The following MCM3AP variants were observed in gnomAD, a reference collection of about 807,000 sequenced individuals.
MCM3AP encodes the protein germinal-center associated nuclear protein.
Under a neutral mutation model 184.1 loss-of-function variants are expected in MCM3AP, and 126 were observed. The ratio of observed to expected loss-of-function variants is 0.68; its 90% CI spans 0.59 to 0.79. The LOEUF is 0.79. Among genes scored for constraint, MCM3AP ranks in the 30% least tolerant of loss-of-function variants. The pLI is 0.00. For missense variants in MCM3AP, 2,496 were observed against 2,479.2 expected, an observed-to-expected ratio of 1.01 and a Z score of -0.14; for synonymous variants, 1,002 against 979.3, an observed-to-expected ratio of 1.02 and a Z score of -0.43.
intron 23 of MCM3AP, chr21:46,244,573 C>T: frequency 3.5e-6 from 2 of 570,488 alleles, no homozygotes; most frequent in Non-Finnish European, 6.3e-6. Flanking sequence ...CCATGGACTG[C>T]CTTGCTGGTC....
rs537130422 is a variant in MCM3AP at position 46,280,725 on chromosome 21, G to A, written c.1444-150C>T. ...ACGACAGTGATTTCTCCACCCACAC[G>A]TCTGCTAACTGCATGGTCTCTGGCT... is the stretch of plus-strand genomic sequence containing the variant. On this transcript the variant is annotated intron_variant, in intron 2 of 27. Transcript: ENST00000291688. The A allele has an allele frequency of 4.1e-5, 25 of 610,010 alleles. 1 individual carries two copies. The highest frequency in any genetic ancestry group is 2.9e-4 in the South Asian group (13 of 44,282). 37.8% of individuals were successfully genotyped at this position (610,010 alleles called of 1,614,324 possible). A position where few individuals can be genotyped will look rare whatever the true frequency, so the allele number is the denominator to read the frequency against.
At position 46,277,585 on chromosome 21, in the gene MCM3AP, A is replaced by G. The variant is rs778215702; in HGVS notation, c.1800T>C (p.Ala600=). ...LSLSTLIGTV[A]ETSKEKYRLL... ...GGCGGTACTTCTCCTTGGATGTCTC[A>G]GCCACAGTGCCTATCAGGGTACTGA... Residue 600 remains alanine, a synonymous_variant, in exon 5 of 28, where the codon GCT becomes GCC. Transcript: ENST00000291688. The G allele has an allele frequency of 1.2e-6, 2 of 1,609,168 alleles. No individual in the cohort carries two copies. Among genetic ancestry groups the G allele is most frequent in the Non-Finnish European group, 8.5e-7 (1 of 1,177,884 alleles).
intron 1 of MCM3AP, 34 bp downstream of exon 1, chr21:46,284,034 G>C: frequency 6.3e-7 from 1 of 1,587,420 alleles, no homozygotes; most frequent in South Asian, 1.1e-5. Context: ...CTGCCTGCAG[G>C]ATTTACTCTA....
chr21:46,253,296 A>G (rs769303656), intron 19 of MCM3AP: 7 of 152,228 alleles, frequency 4.6e-5, no homozygotes, highest in Admixed American at 6.5e-5. Flanking sequence ...ACTATAAACT[A>G]TCTTACTGAA....
chr21:46,272,955 T>C, intron 7 of MCM3AP, 126 bp from the exon 8 acceptor site: 1 of 927,118 alleles, frequency 1.1e-6, no homozygotes, highest in Non-Finnish European at 1.6e-6. Context: ...ATGCACATTT[T>C]AATAGGACTT....
At chr21:46,279,842 A>T in intron 4 of MCM3AP, 151 bp downstream of exon 4, 1 of 661,578 alleles carries the variant, frequency 1.5e-6, no homozygotes, top group Non-Finnish European at 2.4e-6. Context: ...GGAGGGGCAG[A>T]GCCCCTGCCC....
rs560488506 is a variant in MCM3AP at position 46,249,794 on chromosome 21, T to C, written c.4290+1735A>G. On this transcript the variant is annotated intron_variant, in intron 20 of 27. Transcript: ENST00000291688. ...ACTCATTTTATCCTCAAGAGCCAGA[T>C]GAGCATCTCCACCAGACAGCACCTG... 3 of 285,028 alleles carry C rather than the reference T, an allele frequency of 1.1e-5. No homozygotes were observed. The East Asian group carries it at 3.4e-4, about 32-fold the overall frequency. The allele number at this position is 285,028 out of a possible 1,614,324, so 17.7% of individuals were successfully genotyped here. A position where few individuals can be genotyped will look rare whatever the true frequency, so the allele number is the denominator to read the frequency against.
intron 5 of MCM3AP, among the ~76,000 whole-genome samples, chr21:46,276,122 C>G (rs1234957431): frequency 6.6e-6 from 1 of 151,932 alleles, no homozygotes; most frequent in Non-Finnish European, 1.5e-5. Context: ...CGTGGTGGCG[C>G]ATGGCTGTAG....
intron 20 of MCM3AP, chr21:46,251,313 G>A (rs1024040672): frequency 4.9e-6 from 2 of 406,862 alleles, no homozygotes; most frequent in Non-Finnish European, 8.8e-6. Context: ...AAAAAGTAAA[G>A]AAGCAGGCTG....
intron 10 of MCM3AP, chr21:46,266,554 A>G (rs2081115273): frequency 4.3e-6 from 1 of 231,100 alleles, no homozygotes; most frequent in Non-Finnish European, 8.4e-6. Flanking sequence ...TGTTGAGTGT[A>G]AGCTGCCAGT....
intron 20 of MCM3AP, chr21:46,250,403 G>T (rs1421785041): frequency 5.3e-5 from 8 of 152,300 alleles, no homozygotes; most frequent in Admixed American, 4.6e-4. Context: ...GCCCACGTGT[G>T]ATCTCCTGCC....
At chr21:46,251,332 G>A (rs2080864233) in intron 20 of MCM3AP, 197 bp downstream of exon 20, 1 of 429,278 alleles carries the variant, frequency 2.3e-6, no homozygotes, top group Non-Finnish European at 4.1e-6. Context: ...TGGGCTTGGT[G>A]CCCACTACTC....
chr21:46,261,754 GA>G (rs2081045310), intron 13 of MCM3AP, among the ~76,000 whole-genome samples: 2 of 140,478 alleles, frequency 1.4e-5, no homozygotes, highest in Non-Finnish European at 3.1e-5. Flanking sequence ...AAAAAAGAAA[GA>G]AAAATATCAG....
chr21:46,277,427 C>A (rs1055140518), intron 5 of MCM3AP, 100 bp downstream of exon 5: 1 of 878,176 alleles, frequency 1.1e-6, no homozygotes, highest in Non-Finnish European at 1.7e-6. Context: ...TGAGACTCAA[C>A]AGCAATAGAG....
chr21:46,263,602 T>G (rs1289217853), intron 13 of MCM3AP, among the ~76,000 whole-genome samples: 1 of 151,152 alleles, frequency 6.6e-6, no homozygotes, highest in East Asian at 2.0e-4. Flanking sequence ...CTGGACAACA[T>G]GGCGAAAAGC....
intron 26 of MCM3AP, among the ~76,000 whole-genome samples, chr21:46,239,215 G>A (rs1388733416): frequency 6.6e-6 from 1 of 152,194 alleles, no homozygotes; most frequent in Non-Finnish European, 1.5e-5. Context: ...GGCCACCCCT[G>A]CAAAGTTTGC....
chr21:46,244,683 C>A (rs2080733566), intron 23 of MCM3AP, 124 bp downstream of exon 23: 2 of 1,025,350 alleles, frequency 2.0e-6, no homozygotes, highest in African/African-American at 1.6e-5. Flanking sequence ...CATGGAGACA[C>A]ACGGAGGTGG....
rs764330089 is a variant in MCM3AP at position 46,265,430 on chromosome 21, G to A, written c.3125C>T (p.Pro1042Leu). 3.7e-6 allele frequency: 6 copies of A among 1,614,114 alleles called. No homozygotes were observed. The South Asian group carries it at 4.4e-5, about 12-fold the overall frequency. Residue 1042 changes from proline (P) to leucine (L), a missense_variant, in exon 12 of 28, where the codon CCT becomes CTT. Pro to Leu is a moderately conservative substitution (Grantham distance 98). This residue lies in a region of MCM3AP where 1,323 missense variants were observed against 1,273.4 expected (regional missense o/e 1.04). Transcript: ENST00000291688. ...GGTCAGTGCCAGGACAGGAGGCAGA[G>A]GCACTGGTGAGGGCGCAGGGGCTGG... is the stretch of plus-strand genomic sequence containing the variant. The part of the protein sequence containing the change: ...SLPAPAPSPV[P>L]LPPVLALTPS...
At chr21:46,265,274 C>T (rs778404172) in intron 12 of MCM3AP, 47 bp downstream of exon 12, 21 of 1,579,758 alleles carry the variant, frequency 1.3e-5, no homozygotes, top group Non-Finnish European at 1.7e-5. Context: ...GACGTTTGCG[C>T]ACAATGGGCT....
Sources: allele counts gnomAD v4.1 joint callset (sites outside exome capture counted in the v4.1 genomes callset), GRCh38; gene constraint gnomAD v4.1.1; regional missense constraint gnomAD v4.1.1; transcripts MANE v1.5; gene names NCBI Gene and HGNC (gene_info 2026-07-23, HGNC 2026-07-21).